The following SEMA6D variants were observed in gnomAD, a reference collection of about 807,000 sequenced individuals.
SEMA6D encodes semaphorin-6D.
SEMA6D carries 35 observed loss-of-function variants against 106.6 expected under a neutral mutation model. The ratio of observed to expected loss-of-function variants is 0.33; its 90% CI spans 0.25 to 0.44. The LOEUF (loss-of-function observed/expected upper bound fraction) is 0.44, where lower values mean the gene tolerates loss of function less well. SEMA6D is among the 20% of genes least tolerant of loss of function. The pLI, the probability that SEMA6D is intolerant of heterozygous loss-of-function variation, is 1.00. For synonymous variants in SEMA6D, 499 were observed against 487.7 expected (o/e 1.02, Z -0.31); for missense variants, 1,185 against 1,345.9 (o/e 0.88, Z 1.87).
chr15:47,377,741 A>ATCT (rs1171093020), intron 1 of SEMA6D, among the ~76,000 whole-genome samples: 1 of 152,098 alleles, frequency 6.6e-6, no homozygotes, highest in Non-Finnish European at 1.5e-5. Flanking sequence ...AGTAAGTGTA[A>ATCT]TCTTATAGGT....
intron 1 of SEMA6D, among the ~76,000 whole-genome samples, chr15:47,721,736 A>T (rs1307657744): frequency 6.6e-6 from 1 of 152,224 alleles, no homozygotes; most frequent in Non-Finnish European, 1.5e-5. Context: ...TCAGTGGTCC[A>T]CACAGATACC....
At chr15:47,352,843 G>A (rs957572677) in intron 1 of SEMA6D, among the ~76,000 whole-genome samples, 3 of 152,076 alleles carry the variant, frequency 2.0e-5, no homozygotes, top group Non-Finnish European at 4.4e-5. Flanking sequence ...CACCCAAGAG[G>A]GTTTATCTCC....
rs183679802 is a variant in SEMA6D at position 47,556,178 on chromosome 15, G to A, written c.-86-44687G>A. 5.3e-5 allele frequency among the ~76,000 whole-genome samples: 8 copies of A among 151,978 alleles called. No individual in the cohort carries two copies. The East Asian group carries it at 7.7e-4, about 15-fold the overall frequency. On this transcript the variant is annotated intron_variant, in intron 3 of 19. Transcript: ENST00000558014. ...GTTATACTTAAAAAGATTATTTATCGCACAAACAACACCATAATAGCTTTA... is the reference window on the plus strand; with the variant it reads ...GTTATACTTAAAAAGATTATTTATCACACAAACAACACCATAATAGCTTTA...
At chr15:47,520,048 G>T (rs921669733) in intron 3 of SEMA6D, among the ~76,000 whole-genome samples, 5 of 152,170 alleles carry the variant, frequency 3.3e-5, no homozygotes, top group Non-Finnish European at 7.3e-5. Flanking sequence ...AGATGAAAGA[G>T]TCCTCATGAA....
At chr15:47,284,982 C>G (rs1314167062) in intron 1 of SEMA6D, among the ~76,000 whole-genome samples, 3 of 152,166 alleles carry the variant, frequency 2.0e-5, no homozygotes, top group Non-Finnish European at 4.4e-5. Flanking sequence ...TCAGCTCTGC[C>G]TCAGGGAGAA....
intron 2 of SEMA6D, among the ~76,000 whole-genome samples, chr15:47,454,598 T>TGCACAC (rs973774723): frequency 2.4e-4 from 16 of 66,882 alleles, no homozygotes; most frequent in African/African-American, 1.8e-3. Context: ...CTTGCACATG[T>TGCACAC]GCACACACAC....
At chr15:47,203,168 C>A (rs1025525258) in intron 1 of SEMA6D, among the ~76,000 whole-genome samples, 1 of 152,068 alleles carries the variant, frequency 6.6e-6, no homozygotes, top group African/African-American at 2.4e-5. Flanking sequence ...GGCAATACCC[C>A]CAAACTGGCA....
chr15:47,248,767 G>A (rs2033343771), intron 1 of SEMA6D, among the ~76,000 whole-genome samples: 1 of 152,188 alleles, frequency 6.6e-6, no homozygotes, highest in South Asian at 2.1e-4. Flanking sequence ...TTAGAGTTGA[G>A]TAAGAGATAA....
chr15:47,675,211 CTTG>C (rs2078218784), intron 4 of SEMA6D, among the ~76,000 whole-genome samples: 1 of 152,150 alleles, frequency 6.6e-6, no homozygotes, highest in Non-Finnish European at 1.5e-5. Flanking sequence ...TTCCTTGGCC[CTTG>C]TGATGGGTGA....
intron 1 of SEMA6D, among the ~76,000 whole-genome samples, chr15:47,250,852 T>C (rs907320239): frequency 2.0e-5 from 3 of 152,244 alleles, no homozygotes; most frequent in African/African-American, 7.2e-5. Flanking sequence ...TGCCATGTTT[T>C]CACCTTAGAA....
intron 3 of SEMA6D, among the ~76,000 whole-genome samples, chr15:47,541,304 CTT>C (rs1418407568): frequency 6.6e-6 from 1 of 152,158 alleles, no homozygotes; most frequent in Non-Finnish European, 1.5e-5. Flanking sequence ...TAATTTGACT[CTT>C]AAAGTATCTA....
At chr15:47,312,301 T>C (rs1372877474) in intron 1 of SEMA6D, among the ~76,000 whole-genome samples, 1 of 152,236 alleles carries the variant, frequency 6.6e-6, no homozygotes, top group Non-Finnish European at 1.5e-5. Context: ...GTTCTCACTC[T>C]GATACTGCCC....
intron 1 of SEMA6D, among the ~76,000 whole-genome samples, chr15:47,217,864 T>G (rs2030804213): frequency 1.3e-5 from 1 of 79,852 alleles, no homozygotes; most frequent in Admixed American, 1.6e-4. Flanking sequence ...CCTGCTTGCA[T>G]GTACACACAT....
intron 2 of SEMA6D, among the ~76,000 whole-genome samples, chr15:47,440,257 C>T (rs1412545634): frequency 6.6e-6 from 1 of 151,946 alleles, no homozygotes; most frequent in East Asian, 1.9e-4. Context: ...AAGATGGCTT[C>T]CATGAGTTAG....
intron 1 of SEMA6D, among the ~76,000 whole-genome samples, chr15:47,316,518 T>C (rs2036686557): frequency 1.3e-5 from 2 of 151,912 alleles, no homozygotes; most frequent in South Asian, 4.1e-4. Context: ...CAATTAAGTA[T>C]GATGTTAGCT....
At chr15:47,652,828 G>A in intron 4 of SEMA6D, among the ~76,000 whole-genome samples, 1 of 152,188 alleles carries the variant, frequency 6.6e-6, no homozygotes, top group East Asian at 1.9e-4. Flanking sequence ...TTCAGAGTTA[G>A]ATAGACACTC....
At chr15:47,407,409 C>CAAAA (rs1323921492) in intron 1 of SEMA6D, among the ~76,000 whole-genome samples, 1 of 118,866 alleles carries the variant, frequency 8.4e-6, no homozygotes, top group Admixed American at 9.7e-5. Flanking sequence ...ACAACAACAA[C>CAAAA]AAAAAAAACA....
chr15:47,375,400 C>T (rs74341516), intron 1 of SEMA6D, among the ~76,000 whole-genome samples: 8,184 of 152,276 alleles, frequency 0.054, 295 homozygotes, highest in Non-Finnish European at 0.083. Flanking sequence ...CATTCCACCT[C>T]CATTTTTCTA....
chr15:47,743,623 A>G (rs541278133), intron 1 of SEMA6D, among the ~76,000 whole-genome samples: 2 of 152,336 alleles, frequency 1.3e-5, no homozygotes, highest in East Asian at 3.9e-4. Context: ...AAGGAAAAGA[A>G]GGAAAATCCT....
Sources: allele counts gnomAD v4.1 joint callset (sites outside exome capture counted in the v4.1 genomes callset), GRCh38; gene constraint gnomAD v4.1.1; transcripts MANE v1.5; gene names NCBI Gene and HGNC (gene_info 2026-07-23, HGNC 2026-07-21).